PARD3B: variants seen among roughly 807,000 people sequenced by gnomAD.
PARD3B encodes the protein partitioning defective 3 homolog B.
PARD3B carries 103 observed loss-of-function variants against 130.2 expected under a neutral mutation model. The ratio of observed to expected loss-of-function variants is 0.79; its 90% CI spans 0.67 to 0.93. PARD3B has a LOEUF of 0.93. Ranked by LOEUF, PARD3B falls within the 40% of genes least tolerant of loss-of-function variation. The pLI, the probability that PARD3B is intolerant of heterozygous loss-of-function variation, is 0.00. For synonymous variants in PARD3B, 583 were observed against 553.2 expected (o/e 1.05, Z -0.76); for missense variants, 1,609 against 1,499.2 (o/e 1.07, Z -1.21).
At chr2:205,214,760 A>ACTAAATCCAAGATGAATGAGTGAAT (rs2037826112) in intron 15 of PARD3B, among the ~76,000 whole-genome samples, 1 of 152,144 alleles carries the variant, frequency 6.6e-6, no homozygotes, top group African/African-American at 2.4e-5. Flanking sequence ...TACAGTAGCC[A>ACTAAATCCAAGATGAATGAGTGAAT]GCATAACTTC....
chr2:205,478,342 AAATATT>A (rs1242454335), intron 20 of PARD3B, among the ~76,000 whole-genome samples: 9 of 152,190 alleles, frequency 5.9e-5, no homozygotes. Context: ...TTTCTCCTGA[AAATATT>A]AATGAGAGCA....
chr2:205,177,229 T>G (rs2035524960), intron 13 of PARD3B, among the ~76,000 whole-genome samples: 1 of 152,128 alleles, frequency 6.6e-6, no homozygotes, highest in African/African-American at 2.4e-5. Flanking sequence ...TTTAATAAAA[T>G]GAATTTTTTA....
chr2:205,262,521 G>A (rs1022073306), intron 16 of PARD3B, among the ~76,000 whole-genome samples: 2 of 152,080 alleles, frequency 1.3e-5, no homozygotes, highest in African/African-American at 4.8e-5. Flanking sequence ...GCCTTTCAGA[G>A]CATATGGCTG....
intron 2 of PARD3B, among the ~76,000 whole-genome samples, chr2:204,797,036 A>G (rs1217587838): frequency 1.3e-5 from 2 of 151,814 alleles, no homozygotes; most frequent in African/African-American, 4.8e-5. Context: ...TTAGCTGGGC[A>G]TGGTGGTGGG....
intron 15 of PARD3B, among the ~76,000 whole-genome samples, chr2:205,210,306 C>T (rs2037560909): frequency 6.6e-6 from 1 of 151,938 alleles, no homozygotes; most frequent in Admixed American, 6.6e-5. Flanking sequence ...TACCTGTGTT[C>T]TTATATTCTA....
chr2:205,091,828 T>C lies in PARD3B; in HGVS notation c.505-12598T>C, dbSNP rs1702127460. Among the ~76,000 whole-genome samples, 1 of 152,108 alleles carries C rather than the reference T, an allele frequency of 6.6e-6. No homozygotes were observed. Among genetic ancestry groups the C allele is most frequent in the Non-Finnish European group, 1.5e-5 (1 of 68,022 alleles). ...GCTCCTTACTCCCCAGAATGGACTC[T>C]TCAGAGCAAAAAGTGTATACATTTT... On this transcript the variant is annotated intron_variant, in intron 4 of 22. Transcript: ENST00000406610. The surrounding 1 kb of genome is among the most constrained non-coding windows in gnomAD (Gnocchi z 4.2).
chr2:204,935,532 C>T (rs1317253424), intron 2 of PARD3B, among the ~76,000 whole-genome samples: 1 of 151,504 alleles, frequency 6.6e-6, no homozygotes, highest in East Asian at 1.9e-4. Flanking sequence ...GAGCAAGACT[C>T]CGTCTCAAAA....
At chr2:205,393,745 G>A (rs2045933229) in intron 18 of PARD3B, among the ~76,000 whole-genome samples, 1 of 152,176 alleles carries the variant, frequency 6.6e-6, no homozygotes, top group Non-Finnish European at 1.5e-5. Context: ...GAGGAAAGTT[G>A]TAGATAGACA....
At chr2:205,201,979 G>A (rs2037017824) in intron 15 of PARD3B, among the ~76,000 whole-genome samples, 1 of 152,128 alleles carries the variant, frequency 6.6e-6, no homozygotes, top group African/African-American at 2.4e-5. Context: ...TAGATGAAAA[G>A]TTGAATTTAG....
Position 205,229,713 on chromosome 2 carries a change from G to A in PARD3B, c.2141-16065G>A, listed in dbSNP as rs1447199542. ...CACTAGAGCTCCGCAATAAGCAGGT[G>A]GTAAAGCCACCCAGGCTTGTGTCCT... On this transcript the variant is annotated intron_variant, in intron 15 of 22. Coordinates refer to ENST00000406610, the MANE Select transcript of PARD3B (RefSeq NM_001302769.2). This position sits in a 1 kb window ranked among gnomAD's most constrained non-coding sequence, Gnocchi z 5.2. Among the ~76,000 whole-genome samples the A allele has an allele frequency of 6.6e-6, 1 of 152,088 alleles. No homozygotes were observed. Among genetic ancestry groups the A allele is most frequent in the East Asian group, 1.9e-4 (1 of 5,154 alleles).
chr2:204,670,486 A>C (rs111699550), intron 1 of PARD3B, among the ~76,000 whole-genome samples: 3,235 of 152,122 alleles, frequency 0.021, 42 homozygotes, highest in Middle Eastern at 0.034. Flanking sequence ...GGTTTTTTCT[A>C]TTTTTCTCCA....
At chr2:205,216,823 G>A (rs1038895559) in intron 15 of PARD3B, among the ~76,000 whole-genome samples, 4 of 152,214 alleles carry the variant, frequency 2.6e-5, no homozygotes, top group South Asian at 2.1e-4. Flanking sequence ...AACTGTTGTT[G>A]TAAGCAGGAG....
intron 1 of PARD3B, among the ~76,000 whole-genome samples, chr2:204,672,549 A>T (rs6719589): frequency 0.041 from 6,284 of 152,312 alleles, 217 homozygotes; most frequent in African/African-American, 0.091. Context: ...TATAAATTTT[A>T]AAAAATGCTT....
intron 19 of PARD3B, among the ~76,000 whole-genome samples, chr2:205,431,785 T>C (rs2047347248): frequency 1.3e-5 from 2 of 152,182 alleles, no homozygotes; most frequent in Non-Finnish European, 2.9e-5. Context: ...ATTTTTAAAA[T>C]GTGATCATGT....
intron 11 of PARD3B, among the ~76,000 whole-genome samples, chr2:205,168,650 G>A (rs922783793): frequency 2.8e-4 from 42 of 150,494 alleles, no homozygotes; most frequent in African/African-American, 1.0e-3. Context: ...AGCTAAGTAG[G>A]TAGACAGCCT....
chr2:204,601,339 G>C (rs1245868397), intron 1 of PARD3B, among the ~76,000 whole-genome samples: 1 of 151,916 alleles, frequency 6.6e-6, no homozygotes, highest in African/African-American at 2.4e-5. Context: ...ACGCTGATGG[G>C]TTTTCCTTTC....
At chr2:205,383,284 T>G (rs1361096356) in intron 18 of PARD3B, among the ~76,000 whole-genome samples, 1 of 152,084 alleles carries the variant, frequency 6.6e-6, no homozygotes, top group Non-Finnish European at 1.5e-5. Context: ...CTTTCATTAT[T>G]TGTAACTTCT....
At chr2:205,363,040 A>G (rs2044454683) in intron 18 of PARD3B, among the ~76,000 whole-genome samples, 1 of 152,076 alleles carries the variant, frequency 6.6e-6, no homozygotes, top group South Asian at 2.1e-4. Flanking sequence ...CCCTTGCCAA[A>G]GCTGTGGGAC....
chr2:205,307,774 T>C (rs1469935268), intron 18 of PARD3B, among the ~76,000 whole-genome samples: 4 of 152,330 alleles, frequency 2.6e-5, no homozygotes, highest in East Asian at 1.9e-4. Context: ...CTAAATTCTG[T>C]CATAGATTTA....
Sources: gnomAD v4.1 joint callset for allele counts (sites outside exome capture counted in the v4.1 genomes callset) on GRCh38, gnomAD v4.1.1 for gene constraint, Gnocchi (gnomAD v3.1) non-coding constraint, MANE v1.5 for transcripts, NCBI Gene and HGNC (gene_info 2026-07-23, HGNC 2026-07-21) for gene names.